SLC39A9: variants seen among roughly 807,000 people sequenced by gnomAD.
SLC39A9 encodes the protein zinc transporter ZIP9.
A neutral mutation model predicts 28.4 loss-of-function variants in SLC39A9; 14 were observed. The observed-to-expected ratio is 0.49, with a 90% CI of 0.33 to 0.77. The LOEUF (loss-of-function observed/expected upper bound fraction) is 0.77, where lower values mean the gene tolerates loss of function less well. Among genes scored for constraint, SLC39A9 ranks in the 30% least tolerant of loss-of-function variants. SLC39A9 has a pLI of 0.02. For synonymous variants in SLC39A9, 119 were observed against 149.6 expected (o/e 0.80, Z 1.49); for missense variants, 283 against 381.1 (o/e 0.74, Z 2.14).
At chr14:69,425,126 A>C (rs925074758) in intron 2 of SLC39A9, among the ~76,000 whole-genome samples, 1 of 152,210 alleles carries the variant, frequency 6.6e-6, no homozygotes, top group Non-Finnish European at 1.5e-5. Flanking sequence ...ATTGGGGAAC[A>C]GTAATAAATC....
At chr14:69,425,769 C>T (rs184350316) in intron 2 of SLC39A9, among the ~76,000 whole-genome samples, 1 of 152,114 alleles carries the variant, frequency 6.6e-6, no homozygotes, top group African/African-American at 2.4e-5. Flanking sequence ...GCAATCCTCC[C>T]ACCTCAGCCT....
chr14:69,453,449 A>G, intron 4 of SLC39A9, 140 bp downstream of exon 4: 1 of 660,022 alleles, frequency 1.5e-6, no homozygotes, highest in Non-Finnish European at 2.6e-6. Flanking sequence ...GTCCTCCAAC[A>G]CAAGCACAAG....
chr14:69,409,451 A>G (rs779262250), intron 1 of SLC39A9, among the ~76,000 whole-genome samples: 4 of 152,060 alleles, frequency 2.6e-5, no homozygotes, highest in Non-Finnish European at 5.9e-5. Context: ...CGATCCTTCT[A>G]CCTCAACCTC....
chr14:69,412,350 C>G (rs1313535994), intron 1 of SLC39A9, among the ~76,000 whole-genome samples: 1 of 151,300 alleles, frequency 6.6e-6, no homozygotes, highest in Non-Finnish European at 1.5e-5. Context: ...GATCACGCCA[C>G]TGCACTCCAG....
intron 6 of SLC39A9, among the ~76,000 whole-genome samples, chr14:69,458,118 A>G (rs1885952311): frequency 6.6e-6 from 1 of 152,216 alleles, no homozygotes; most frequent in Non-Finnish European, 1.5e-5. Context: ...CTATAAATAT[A>G]TATAATTATA....
At chr14:69,453,116 C>G in intron 3 of SLC39A9, 125 bp from the exon 4 acceptor site, 1 of 714,368 alleles carries the variant, frequency 1.4e-6, no homozygotes, top group Non-Finnish European at 2.4e-6. Context: ...GCGGGCGGAT[C>G]ATTGGAGGTC....
chr14:69,417,552 A>G (rs907475538), intron 1 of SLC39A9, among the ~76,000 whole-genome samples: 4 of 152,158 alleles, frequency 2.6e-5, no homozygotes, highest in Non-Finnish European at 5.9e-5. Context: ...GAATCTGTAA[A>G]TTACCTTGGG....
chr14:69,407,722 T>G (rs1369359703), intron 1 of SLC39A9, among the ~76,000 whole-genome samples: 1 of 151,588 alleles, frequency 6.6e-6, no homozygotes, highest in Non-Finnish European at 1.5e-5. Flanking sequence ...CACTGCAACC[T>G]CCTCCTCTCA....
chr14:69,434,271 A>G (rs998997820), intron 2 of SLC39A9, among the ~76,000 whole-genome samples: 1 of 151,360 alleles, frequency 6.6e-6, no homozygotes, highest in African/African-American at 2.4e-5. Flanking sequence ...TTTAGTGGAG[A>G]CAGGGTTTCA....
In SLC39A9 at chr14:69,460,706, A is replaced by G. The variant is rs533819595; in HGVS notation, c.*2113A>G. The G allele has an allele frequency of 1.5e-5, 15 of 985,460 alleles. No individual in the cohort carries two copies. In the East Asian group the frequency reaches 1.5e-3, roughly 97 times the overall value. The allele number at this position is 985,460 out of a possible 1,614,324, so 61.0% of individuals were successfully genotyped here. ...GATGGAGCCTTGAACTCCGGCAAGG[A>G]TTGAACCATCTGACTTCCAAATTTG... is the stretch of plus-strand genomic sequence containing the variant. On this transcript the variant is annotated 3_prime_UTR_variant, in exon 7 of 7. Coordinates refer to ENST00000336643, the MANE Select transcript of SLC39A9 (RefSeq NM_018375.5).
intron 6 of SLC39A9, among the ~76,000 whole-genome samples, 168 bp downstream of exon 6, chr14:69,456,034 A>G (rs1482839252): frequency 1.3e-5 from 2 of 152,240 alleles, no homozygotes; most frequent in African/African-American, 4.8e-5. Flanking sequence ...TCCTCTTCAT[A>G]TTAGCATTTT....
intron 1 of SLC39A9, among the ~76,000 whole-genome samples, chr14:69,407,962 T>G (rs1006132393): frequency 1.3e-5 from 2 of 151,982 alleles, no homozygotes; most frequent in Non-Finnish European, 2.9e-5. Context: ...TCTCTCTTAG[T>G]CAATTCCTCA....
intron 1 of SLC39A9, among the ~76,000 whole-genome samples, chr14:69,421,574 G>A (rs1883895977): frequency 1.3e-5 from 2 of 152,190 alleles, no homozygotes; most frequent in African/African-American, 4.8e-5. Context: ...AGAAGTTTCT[G>A]CTGCCTTTTA....
At chr14:69,443,490 T>C (rs7145944) in intron 3 of SLC39A9, among the ~76,000 whole-genome samples, 69,143 of 152,048 alleles carry the variant, frequency 0.45, 15,908 homozygotes, top group Middle Eastern at 0.59. Flanking sequence ...AATCTACAAC[T>C]GTAAAATAAC....
rs1348187026 is a variant in SLC39A9, at chr14:69,460,098, ATATTG to A, written c.*1510_*1514del. ...CCCTGTCTTGTCAAATAAGTGTATAATATTGTATTATTAATTTATTTTTACTTTCT... is the reference window on the plus strand; with the variant it reads ...CCCTGTCTTGTCAAATAAGTGTATAATATTATTAATTTATTTTTACTTTCT... On this transcript the variant is annotated 3_prime_UTR_variant, in exon 7 of 7. Coordinates refer to ENST00000336643, the MANE Select transcript of SLC39A9 (RefSeq NM_018375.5). 1.0e-6 allele frequency: 1 copy of A among 978,976 alleles called. No homozygotes were observed. The highest frequency in any genetic ancestry group is 1.2e-6 in the Non-Finnish European group (1 of 823,808). The allele number at this position is 978,976 out of a possible 1,614,324, so 60.6% of individuals were successfully genotyped here.
intron 3 of SLC39A9, 91 bp downstream of exon 3, chr14:69,442,357 C>T (rs1243668361): frequency 2.5e-6 from 3 of 1,221,594 alleles, no homozygotes; most frequent in East Asian, 2.3e-5. Context: ...TATCAGTGGC[C>T]ATATTTAGTG....
chr14:69,402,537 C>A (rs1314878888), intron 1 of SLC39A9, among the ~76,000 whole-genome samples: 1 of 151,924 alleles, frequency 6.6e-6, no homozygotes, highest in Non-Finnish European at 1.5e-5. Flanking sequence ...GTCTACCTGC[C>A]AGATGTGCCC....
intron 3 of SLC39A9, among the ~76,000 whole-genome samples, chr14:69,443,660 A>G (rs951731528): frequency 6.6e-6 from 1 of 152,100 alleles, no homozygotes; most frequent in African/African-American, 2.4e-5. Flanking sequence ...TTTTGAGTTC[A>G]GGAGTTTGAG....
In SLC39A9 at chr14:69,399,262, A is replaced by G; in HGVS notation, c.-108A>G. On this transcript the variant is annotated 5_prime_UTR_variant, in exon 1 of 7. Transcript: ENST00000336643. Reference sequence around the variant, plus strand: ...CTGGTGGGAAGGCCTAAAGAACTGGAAAGCCCACTCTCTTGGAACCACCAC... The same window carrying G: ...CTGGTGGGAAGGCCTAAAGAACTGGGAAGCCCACTCTCTTGGAACCACCAC... 9.6e-6 allele frequency: 9 copies of G among 933,472 alleles called. No homozygotes were observed. The highest frequency in any genetic ancestry group is 1.5e-5 in the Non-Finnish European group (9 of 594,458). 57.8% of individuals were successfully genotyped at this position (933,472 alleles called of 1,614,324 possible).
Sources: gnomAD v4.1 joint callset for allele counts (sites outside exome capture counted in the v4.1 genomes callset) on GRCh38, gnomAD v4.1.1 for gene constraint, MANE v1.5 for transcripts, NCBI Gene and HGNC (gene_info 2026-07-23, HGNC 2026-07-21) for gene names.